The following GRID2 variants were observed in gnomAD, a reference collection of about 807,000 sequenced individuals.
GRID2 encodes the protein glutamate receptor ionotropic, delta-2.
A neutral mutation model predicts 114.8 loss-of-function variants in GRID2; 33 were observed. The observed-to-expected ratio is 0.29, with a 90% CI of 0.22 to 0.38. The LOEUF is 0.38. GRID2 is among the 10% of genes least tolerant of loss of function. The pLI, the probability that GRID2 is intolerant of heterozygous loss-of-function variation, is 1.00. For synonymous variants in GRID2, 505 were observed against 449.9 expected, an observed-to-expected ratio of 1.12 and a Z score of -1.55; for missense variants, 1,184 against 1,257.7, an observed-to-expected ratio of 0.94 and a Z score of 0.89.
rs1731298962 is a variant in GRID2, at chr4:92,640,675, G to A, written c.244+50389G>A. On this transcript the variant is annotated intron_variant, in intron 2 of 15. Transcript: ENST00000282020. ...AAGAAGTAAGAATGAAACACAGCAA[G>A]TACTCTTTTGAGAAGAAAAAGAGTT... Among the ~76,000 whole-genome samples the A allele has an allele frequency of 2.0e-5, 3 of 151,788 alleles. No homozygotes were observed. The Admixed American group carries it at 2.0e-4, about 10-fold the overall frequency.
intron 14 of GRID2, among the ~76,000 whole-genome samples, chr4:93,674,036 T>C (rs544013722): frequency 2.1e-4 from 32 of 152,210 alleles, no homozygotes; most frequent in African/African-American, 6.5e-4. Flanking sequence ...CCCACATTGC[T>C]CCTTTGACTC....
intron 1 of GRID2, among the ~76,000 whole-genome samples, chr4:92,444,023 G>A (rs1337789530): frequency 6.6e-6 from 1 of 152,184 alleles, no homozygotes; most frequent in Non-Finnish European, 1.5e-5. Flanking sequence ...CAGTGAGAGA[G>A]ATTGGAGAAG....
intron 8 of GRID2, among the ~76,000 whole-genome samples, chr4:93,246,473 G>A (rs949023133): frequency 2.0e-5 from 3 of 151,694 alleles, no homozygotes; most frequent in East Asian, 1.9e-4. Flanking sequence ...TGCAATCCCA[G>A]CTACTCGGGA....
At chr4:92,517,140 C>T (rs2149136413) in intron 1 of GRID2, among the ~76,000 whole-genome samples, 1 of 151,928 alleles carries the variant, frequency 6.6e-6, no homozygotes, top group African/African-American at 2.4e-5. Flanking sequence ...GTAGGCTTAC[C>T]CAGCTTTTCA....
chr4:93,481,813 G>A (rs1008012436), intron 11 of GRID2, among the ~76,000 whole-genome samples: 1 of 151,976 alleles, frequency 6.6e-6, no homozygotes, highest in Non-Finnish European at 1.5e-5. Context: ...GTGTTTCTAG[G>A]AGGGTGGAGA....
chr4:92,425,213 A>G (rs1340788749), intron 1 of GRID2, among the ~76,000 whole-genome samples: 2 of 152,040 alleles, frequency 1.3e-5, no homozygotes, highest in Admixed American at 6.6e-5. Context: ...AGCAAATACA[A>G]CCAAGAAAAT....
rs114677503 is a variant in GRID2 at position 93,197,543 on chromosome 4, C to T, written c.736-9861C>T. On this transcript the variant is annotated intron_variant, in intron 4 of 15. Coordinates refer to ENST00000282020, the MANE Select transcript of GRID2 (RefSeq NM_001510.4). ...ATTATTAATGACATACTGTAAATAG[C>T]ATTCAATAAGCATTTACTGGACAGA... Among the ~76,000 whole-genome samples the T allele has an allele frequency of 5.2e-3, 791 of 152,230 alleles. 3 individuals carry two copies. The highest frequency in any genetic ancestry group is 0.018 in the African/African-American group (755 of 41,516).
At chr4:93,329,654 C>T (rs1758223333) in intron 8 of GRID2, among the ~76,000 whole-genome samples, 1 of 152,108 alleles carries the variant, frequency 6.6e-6, no homozygotes, top group South Asian at 2.1e-4. Flanking sequence ...TTGTCTGCAA[C>T]AGTCACAGTA....
chr4:93,126,584 C>CTTTTTTTTTTTTTTTTT (rs60017147), intron 4 of GRID2, among the ~76,000 whole-genome samples: 2 of 52,736 alleles, frequency 3.8e-5, no homozygotes, highest in Non-Finnish European at 6.6e-5. Context: ...CTATTTAATT[C>CTTTTTTTTTTTTTTTTT]TTTTTTTTTT....
intron 2 of GRID2, among the ~76,000 whole-genome samples, chr4:92,734,412 T>C (rs999841191): frequency 2.0e-5 from 3 of 151,906 alleles, no homozygotes; most frequent in Admixed American, 6.6e-5. Context: ...CTCCTGAGAA[T>C]CTGAGACTAC....
At chr4:92,779,384 TTGA>T (rs1305680494) in intron 2 of GRID2, among the ~76,000 whole-genome samples, 3 of 152,096 alleles carry the variant, frequency 2.0e-5, no homozygotes, top group Non-Finnish European at 4.4e-5. Flanking sequence ...TGAATGAAAA[TTGA>T]TGAATCTTAG....
chr4:93,135,202 A>G (rs1400500233), intron 4 of GRID2, among the ~76,000 whole-genome samples: 1 of 152,166 alleles, frequency 6.6e-6, no homozygotes, highest in African/African-American at 2.4e-5. Context: ...TCTTAAAACA[A>G]CTGCTTTTAA....
intron 14 of GRID2, among the ~76,000 whole-genome samples, chr4:93,683,948 C>A (rs1369097839): frequency 1.3e-5 from 2 of 151,878 alleles, no homozygotes; most frequent in Non-Finnish European, 2.9e-5. Context: ...GTATAGGGAC[C>A]ACTGCAATGG....
intron 2 of GRID2, among the ~76,000 whole-genome samples, chr4:92,739,670 G>T (rs921954554): frequency 6.6e-6 from 1 of 151,920 alleles, no homozygotes; most frequent in Non-Finnish European, 1.5e-5. Flanking sequence ...CCCACTCTAG[G>T]TCAGGAAAAG....
chr4:92,803,813 A>C (rs1211439759), intron 2 of GRID2, among the ~76,000 whole-genome samples: 1 of 152,024 alleles, frequency 6.6e-6, no homozygotes, highest in African/African-American at 2.4e-5. Flanking sequence ...AGAGTTCCAC[A>C]AACTGGGTGG....
chr4:92,587,455 T>C (rs1187674709), intron 1 of GRID2, among the ~76,000 whole-genome samples: 2 of 152,064 alleles, frequency 1.3e-5, no homozygotes, highest in Non-Finnish European at 2.9e-5. Flanking sequence ...CCCAGGATCC[T>C]TCCTGTGGAA....
intron 14 of GRID2, among the ~76,000 whole-genome samples, chr4:93,678,786 A>G (rs530581644): frequency 3.3e-5 from 5 of 151,522 alleles, no homozygotes; most frequent in African/African-American, 1.2e-4. Flanking sequence ...AGCACTAAAC[A>G]TGGAAAGGAA....
intron 13 of GRID2, among the ~76,000 whole-genome samples, chr4:93,537,846 A>T (rs1732251058): frequency 6.6e-6 from 1 of 151,694 alleles, no homozygotes; most frequent in South Asian, 2.1e-4. Flanking sequence ...TTTACTTCAT[A>T]TCAGAATATG....
At position 93,508,200 on chromosome 4, in the gene GRID2, A is replaced by AT. The variant is rs147557747; in HGVS notation, c.1998-6999dup. ...TTTTAGATTTTTTATTTTGTTTTTG[A>AT]TTTTTTTTTTTTTTTTTGACGGAGT... On this transcript the variant is annotated intron_variant, in intron 12 of 15. Coordinates refer to ENST00000282020, the MANE Select transcript of GRID2 (RefSeq NM_001510.4). Among the ~76,000 whole-genome samples, 580 of 140,408 alleles carry AT rather than the reference A, an allele frequency of 4.1e-3. 6 individuals are homozygous for AT. The highest frequency in any genetic ancestry group is 0.017 in the South Asian group (76 of 4,470). 92.1% of individuals were successfully genotyped at this position (140,408 alleles called of 152,430 possible). A position where few individuals can be genotyped will look rare whatever the true frequency, so the allele number is the denominator to read the frequency against.
Sources: gnomAD v4.1 joint callset for allele counts (sites outside exome capture counted in the v4.1 genomes callset) on GRCh38, gnomAD v4.1.1 for gene constraint, MANE v1.5 for transcripts, NCBI Gene and HGNC (gene_info 2026-07-23, HGNC 2026-07-21) for gene names.